The following SRPK1 variants were observed in gnomAD, a reference collection of about 807,000 sequenced individuals.
The protein encoded by SRPK1 is SFRS protein kinase 1.
Under a neutral mutation model 89.5 loss-of-function variants are expected in SRPK1, and 52 were observed. The observed-to-expected ratio is 0.58, with a 90% confidence interval of 0.46 to 0.73. The LOEUF is 0.73. Ranked by LOEUF, SRPK1 falls within the 30% of genes least tolerant of loss-of-function variation. The probability of loss-of-function intolerance (pLI) is 0.00; values close to 1 mark genes in which losing one functional copy is unlikely to be tolerated. For missense variants in SRPK1, 603 were observed against 780.6 expected (o/e 0.77, Z 2.71); for synonymous variants, 255 against 270.2 (o/e 0.94, Z 0.55).
intron 4 of SRPK1, among the ~76,000 whole-genome samples, chr6:35,888,530 G>A (rs17654547): frequency 0.016 from 2,509 of 152,098 alleles, 29 homozygotes; most frequent in Middle Eastern, 0.038. Context: ...GAAATACTTC[G>A]GTGAAAAGAA....
intron 13 of SRPK1, among the ~76,000 whole-genome samples, chr6:35,851,599 G>C (rs1769556961): frequency 6.6e-6 from 1 of 152,172 alleles, no homozygotes; most frequent in Admixed American, 6.5e-5. Context: ...TGAATGGCTG[G>C]GTGAACAGGG....
Position 35,870,378 on chromosome 6 carries a change from A to AG in SRPK1, c.893dup (p.Gly299TrpfsTer16). The AG allele has an allele frequency of 1.9e-6, 3 of 1,604,352 alleles. No individual in the cohort carries two copies. The highest frequency in any genetic ancestry group is 2.6e-6 in the Non-Finnish European group (3 of 1,174,842). ...CTTGCTTGTTTGGTCTTTTTTGCCCAGGGCCCGACTCTTTCTCCATTTCCT... is the reference window on the plus strand; with the variant it reads ...CTTGCTTGTTTGGTCTTTTTTGCCCAGGGGCCCGACTCTTTCTCCATTTCCT... On this transcript the variant is annotated frameshift_variant, in exon 10 of 16. Coordinates refer to ENST00000373825, the MANE Select transcript of SRPK1 (RefSeq NM_003137.5). LOFTEE classifies it high-confidence loss of function.
chr6:35,910,403 T>G (rs1431331337), intron 2 of SRPK1, among the ~76,000 whole-genome samples: 1 of 152,140 alleles, frequency 6.6e-6, no homozygotes, highest in East Asian at 1.9e-4. Context: ...TTATGAAGTT[T>G]GTGAGAGGTG....
intron 3 of SRPK1, 41 bp downstream of exon 3, chr6:35,890,854 A>C (rs1581589410): frequency 6.7e-7 from 1 of 1,496,352 alleles, no homozygotes. Flanking sequence ...AATTGCAAAT[A>C]GATGGCTCAT....
At chr6:35,842,055 A>C (rs1189340062) in intron 14 of SRPK1, among the ~76,000 whole-genome samples, 3 of 152,188 alleles carry the variant, frequency 2.0e-5, no homozygotes, top group Non-Finnish European at 2.9e-5. Context: ...AATTCCAAAA[A>C]AGAAAAAATT....
intron 15 of SRPK1, among the ~76,000 whole-genome samples, chr6:35,837,919 A>AG (rs1769217620): frequency 1.4e-5 from 2 of 145,022 alleles, no homozygotes; most frequent in African/African-American, 5.2e-5. Flanking sequence ...CCCAGGCTGG[A>AG]GGGCAATGGT....
At chr6:35,880,712 TCC>T (rs1770255259) in intron 6 of SRPK1, among the ~76,000 whole-genome samples, 1 of 19,576 alleles carries the variant, frequency 5.1e-5, no homozygotes, top group African/African-American at 8.0e-4. Context: ...AGAGTGAGAC[TCC>T]ATCTCAAAAA....
chr6:35,902,684 G>A (rs916751888), intron 2 of SRPK1, among the ~76,000 whole-genome samples: 40 of 152,174 alleles, frequency 2.6e-4, no homozygotes, highest in African/African-American at 8.7e-4. Context: ...ATCCGGGACT[G>A]TGTAATTCAA....
chr6:35,915,677 T>C (rs1227887063), intron 2 of SRPK1, among the ~76,000 whole-genome samples: 1 of 151,986 alleles, frequency 6.6e-6, no homozygotes, highest in African/African-American at 2.4e-5. Flanking sequence ...TTTTTGTCTT[T>C]AAAGGTATAT....
chr6:35,854,412 G>A (rs888165846), intron 13 of SRPK1, among the ~76,000 whole-genome samples: 4 of 152,216 alleles, frequency 2.6e-5, no homozygotes, highest in South Asian at 2.1e-4. Flanking sequence ...AGGCACTTCC[G>A]ATATTCCAGA....
chr6:35,886,751 A>G lies in SRPK1; in HGVS notation c.451T>C (p.Phe151Leu), dbSNP rs1294924208. Reference protein sequence around the residue: ...REMVVQLLDDFKISGVNGTHI... With the variant: ...REMVVQLLDDLKISGVNGTHI... ...GTTCCATTAACTCCTGATATTTTAA[A>G]GTCATCTAGTAGTTGAACAACCATT... Residue 151 changes from phenylalanine to leucine, a missense_variant, in exon 6 of 16, where the codon TTT becomes CTT. Transcript: ENST00000373825. 6.2e-7 allele frequency: 1 copy of G among 1,608,396 alleles called. No homozygotes were observed. Among genetic ancestry groups the G allele is most frequent in the Non-Finnish European group, 8.5e-7 (1 of 1,175,066 alleles).
intron 13 of SRPK1, among the ~76,000 whole-genome samples, chr6:35,846,805 T>C (rs947217440): frequency 6.6e-6 from 1 of 152,182 alleles, no homozygotes; most frequent in African/African-American, 2.4e-5. Context: ...GCCCAGGACC[T>C]GATGGCTTCA....
chr6:35,861,320 C>A (rs113475124), intron 12 of SRPK1, among the ~76,000 whole-genome samples: 6 of 152,170 alleles, frequency 3.9e-5, no homozygotes, highest in African/African-American at 1.4e-4. Flanking sequence ...ACTAGGGCCT[C>A]GGGCCTGACA....
At chr6:35,848,757 G>A (rs1769476212) in intron 13 of SRPK1, among the ~76,000 whole-genome samples, 1 of 152,146 alleles carries the variant, frequency 6.6e-6, no homozygotes, top group Non-Finnish European at 1.5e-5. Context: ...AATGGGAAAA[G>A]GATAGTCTCT....
intron 2 of SRPK1, among the ~76,000 whole-genome samples, chr6:35,904,509 T>C (rs1251292046): frequency 1.3e-5 from 2 of 152,176 alleles, no homozygotes; most frequent in African/African-American, 2.4e-5. Flanking sequence ...GGTTTTTAAA[T>C]AAAGTCGTGG....
intron 6 of SRPK1, among the ~76,000 whole-genome samples, chr6:35,878,416 A>G (rs1297848102): frequency 6.6e-6 from 1 of 152,218 alleles, no homozygotes; most frequent in East Asian, 1.9e-4. Flanking sequence ...CCCCACCTAG[A>G]CAACCAATGC....
At chr6:35,918,371 C>A (rs180731173) in intron 2 of SRPK1, among the ~76,000 whole-genome samples, 1 of 152,050 alleles carries the variant, frequency 6.6e-6, no homozygotes, top group East Asian at 1.9e-4. Flanking sequence ...CGTAGTGGCA[C>A]ACGCCTGTAG....
At chr6:35,879,307 G>A (rs751932012) in intron 6 of SRPK1, among the ~76,000 whole-genome samples, 2 of 152,298 alleles carry the variant, frequency 1.3e-5, no homozygotes, top group Non-Finnish European at 2.9e-5. Flanking sequence ...AGCACTTCGG[G>A]AGGCTGAGGC....
chr6:35,843,334 CAA>C (rs113392736), intron 13 of SRPK1, among the ~76,000 whole-genome samples: 31 of 71,262 alleles, frequency 4.4e-4, no homozygotes, highest in African/African-American at 8.3e-4. Flanking sequence ...CAAAAAAAAT[CAA>C]AAAAAAAAAA....
Sources: allele counts gnomAD v4.1 joint callset (sites outside exome capture counted in the v4.1 genomes callset), GRCh38; gene constraint gnomAD v4.1.1; transcripts MANE v1.5; gene names NCBI Gene and HGNC (gene_info 2026-07-23, HGNC 2026-07-21).